Variants in CPS1 observed in about 807,000 individuals in gnomAD.
CPS1 encodes carbamoyl-phosphate synthase [ammonia], mitochondrial.
A neutral mutation model predicts 174.6 loss-of-function variants in CPS1; 109 were observed. That is an observed-to-expected ratio of 0.62 (90% CI 0.53 to 0.73). The LOEUF is 0.73. Among genes scored for constraint, CPS1 ranks in the 30% least tolerant of loss-of-function variants. The pLI, the probability that CPS1 is intolerant of heterozygous loss-of-function variation, is 0.00. For synonymous variants in CPS1, 637 were observed against 632.0 expected, an observed-to-expected ratio of 1.01 and a Z score of -0.12; for missense variants, 1,689 against 1,821.9, an observed-to-expected ratio of 0.93 and a Z score of 1.33.
chr2:210,673,811 G>T (rs979133342), intron 34 of CPS1: 1 of 152,034 alleles, frequency 6.6e-6, no homozygotes, highest in African/African-American at 2.4e-5. Context: ...TACTATTCCT[G>T]TTCAACAGAT....
At position 210,678,121 on chromosome 2, in the gene CPS1, TC is replaced by T. The variant is rs1411099676; in HGVS notation, c.*137del. 1.3e-6 allele frequency: 1 copy of T among 777,474 alleles called. No homozygotes were observed. The highest frequency in any genetic ancestry group is 2.5e-5 in the East Asian group (1 of 39,832). 48.2% of individuals were successfully genotyped at this position (777,474 alleles called of 1,614,324 possible). A position where few individuals can be genotyped will look rare whatever the true frequency, so the allele number is the denominator to read the frequency against. On this transcript the variant is annotated 3_prime_UTR_variant, in exon 38 of 38. Coordinates refer to ENST00000233072, the MANE Select transcript of CPS1 (RefSeq NM_001875.5). ...AGTTTACTTTGTTATGCCTTAATAT[TC>T]TGTGTCTTTTGCAATTAAATTGTCA...
chr2:210,661,777 C>G (rs1420997569), intron 32 of CPS1, among the ~76,000 whole-genome samples: 9 of 151,670 alleles, frequency 5.9e-5, no homozygotes, highest in African/African-American at 1.9e-4. Context: ...TTTTTTTCCA[C>G]TGGAGATTCT....
intron 1 of CPS1, among the ~76,000 whole-genome samples, chr2:210,559,814 A>C (rs1697040417): frequency 6.6e-6 from 1 of 152,154 alleles, no homozygotes; most frequent in African/African-American, 2.4e-5. Context: ...GCAAATGATG[A>C]CTGATTTACT....
At chr2:210,591,041 A>G (rs904521305) in intron 9 of CPS1, 135 bp downstream of exon 9, 2 of 257,930 alleles carry the variant, frequency 7.8e-6, no homozygotes, top group Non-Finnish European at 1.4e-5. Context: ...AAGTATAATA[A>G]AAATAAATAA....
chr2:210,676,946 A>G (rs1448338017), intron 36 of CPS1, 61 bp from the exon 37 acceptor site: 4 of 1,542,030 alleles, frequency 2.6e-6, no homozygotes, highest in Non-Finnish European at 3.6e-6. Context: ...TTATGTTAGT[A>G]TTTTATAAAC....
chr2:210,536,429 T>C lies in CPS1; in HGVS notation c.4-20290T>C, dbSNP rs561523355. Among the ~76,000 whole-genome samples, 66 of 151,622 alleles carry C rather than the reference T, an allele frequency of 4.4e-4. 2 individuals carry two copies. In the East Asian group the frequency reaches 0.013, roughly 29 times the overall value. ...TCCGCCTCCCGGGTTCACGCCATTCTCCTGCCTCAGCCTCCCGAGTAGCTG... is the reference window on the plus strand; with the variant it reads ...TCCGCCTCCCGGGTTCACGCCATTCCCCTGCCTCAGCCTCCCGAGTAGCTG... On this transcript the variant is annotated intron_variant, in intron 1 of 38. Transcript: ENST00000430249.
intron 1 of CPS1, among the ~76,000 whole-genome samples, chr2:210,483,119 C>A (rs1237324789): frequency 6.6e-6 from 1 of 152,096 alleles, no homozygotes; most frequent in African/African-American, 2.4e-5. Flanking sequence ...ATCTTGGGGC[C>A]TAAGTACTTT....
Position 210,660,545 on chromosome 2 carries a change from GT to G in CPS1, c.3819del (p.Asp1274ThrfsTer9). The G allele has an allele frequency of 6.2e-7, 1 of 1,614,168 alleles. No homozygotes were observed. The highest frequency in any genetic ancestry group is 8.5e-7 in the Non-Finnish European group (1 of 1,179,992). ...CCCCTTTGTTTCCAAGACTCTTGGGGTTGACTTCATTGATGTGGCCACCAAG... is the reference window on the plus strand; with the variant it reads ...CCCCTTTGTTTCCAAGACTCTTGGGGTGACTTCATTGATGTGGCCACCAAG... ...SFPFVSKTLG[V>X]DFIDVATKVM... On this transcript the variant is annotated frameshift_variant, in exon 32 of 38. Coordinates refer to ENST00000233072, the MANE Select transcript of CPS1 (RefSeq NM_001875.5). LOFTEE classifies it high-confidence loss of function.
At chr2:210,668,510 T>C (rs1222041248) in intron 34 of CPS1, among the ~76,000 whole-genome samples, 1 of 152,196 alleles carries the variant, frequency 6.6e-6, no homozygotes, top group East Asian at 1.9e-4. Context: ...AAAATGTTTC[T>C]AGTGAAGGGA....
At chr2:210,573,447 A>G (rs1275639943) in intron 2 of CPS1, 40 bp downstream of exon 2, 1 of 1,425,832 alleles carries the variant, frequency 7.0e-7, no homozygotes, top group African/African-American at 1.4e-5. Context: ...TTCCTCTAGT[A>G]GAGAAATAAC....
intron 1 of CPS1, among the ~76,000 whole-genome samples, chr2:210,546,080 G>A (rs944542536): frequency 4.6e-5 from 7 of 151,838 alleles, no homozygotes; most frequent in African/African-American, 1.7e-4. Flanking sequence ...ACACATTTTT[G>A]TCCACTTCTA....
At chr2:210,553,985 A>G (rs1448027517), upstream of CPS1, among the ~76,000 whole-genome samples, 2 of 151,394 alleles carry the variant, frequency 1.3e-5, no homozygotes, top group Non-Finnish European at 1.5e-5. Context: ...TCTCTAATTC[A>G]GAATATTTAA....
chr2:210,627,557 G>A (rs1469231122), intron 21 of CPS1, among the ~76,000 whole-genome samples: 1 of 152,158 alleles, frequency 6.6e-6, no homozygotes, highest in Admixed American at 6.5e-5. Context: ...GGGGCATAAA[G>A]CCTTTGAGTC....
chr2:210,576,271 C>A, intron 2 of CPS1, 75 bp from the exon 3 acceptor site: 2 of 1,467,558 alleles, frequency 1.4e-6, no homozygotes, highest in Non-Finnish European at 1.9e-6. Context: ...TTAAATAATT[C>A]AGAGCATGTA....
At chr2:210,658,322 C>T (rs907498772) in intron 30 of CPS1, 18 of 380,040 alleles carry the variant, frequency 4.7e-5, no homozygotes, top group Non-Finnish European at 8.0e-5. Flanking sequence ...AATGTAAAAC[C>T]AGGTTATATA....
At chr2:210,542,770 T>C (rs1696466740) in intron 1 of CPS1, among the ~76,000 whole-genome samples, 1 of 152,092 alleles carries the variant, frequency 6.6e-6, no homozygotes, top group African/African-American at 2.4e-5. Context: ...CTCCACATTC[T>C]CATCCAGTTT....
rs767972891 is a variant in CPS1 at position 210,656,510 on chromosome 2, T to G, written c.3559-15T>G. On this transcript the variant is annotated splice_polypyrimidine_tract_variant and intron_variant, in intron 29 of 37. Transcript: ENST00000233072. ...AAAACTTTTTCTAAAATCCTTTTTT[T>G]TTTTTTTTGGCCAGGTTATCTCTCA... 12 of 1,585,516 alleles carry G rather than the reference T, an allele frequency of 7.6e-6. No homozygotes were observed. In the East Asian group the frequency reaches 2.5e-4, roughly 33 times the overall value.
chr2:210,663,851 G>A (rs1241833600), intron 33 of CPS1, among the ~76,000 whole-genome samples: 4 of 151,980 alleles, frequency 2.6e-5, no homozygotes, highest in East Asian at 3.8e-4. Context: ...GAATCACCTA[G>A]CCCTTGACAG....
intron 1 of CPS1, among the ~76,000 whole-genome samples, chr2:210,543,643 T>C (rs1696488727): frequency 6.6e-6 from 1 of 152,120 alleles, no homozygotes; most frequent in African/African-American, 2.4e-5. Flanking sequence ...GTAATAAAAT[T>C]TGTAATTATA....
Sources: gnomAD v4.1 joint callset for allele counts (sites outside exome capture counted in the v4.1 genomes callset) on GRCh38, gnomAD v4.1.1 for gene constraint, MANE v1.5 for transcripts, NCBI Gene and HGNC (gene_info 2026-07-23, HGNC 2026-07-21) for gene names.